The following MMEL1 variants were observed in gnomAD, a reference collection of about 807,000 sequenced individuals.
MMEL1 encodes membrane metallo-endopeptidase-like 1.
MMEL1 carries 98 observed loss-of-function variants against 117.1 expected under a neutral mutation model. The observed-to-expected ratio is 0.84, with a 90% CI of 0.71 to 0.99. The LOEUF is 0.99. Among genes scored for constraint, MMEL1 ranks in the 50% least tolerant of loss-of-function variants. The pLI, the probability that MMEL1 is intolerant of heterozygous loss-of-function variation, is 0.00. For synonymous variants in MMEL1, 390 were observed against 415.1 expected (o/e 0.94, Z 0.74); for missense variants, 1,014 against 1,049.1 (o/e 0.97, Z 0.46).
At chr1:2,608,185 TA>T (rs1466933977) in intron 6 of MMEL1, among the ~76,000 whole-genome samples, 1 of 152,036 alleles carries the variant, frequency 6.6e-6, no homozygotes, top group Non-Finnish European at 1.5e-5. Context: ...AGACGCCCCC[TA>T]AAGCCAGGGT....
At chr1:2,625,590 C>T (rs1638240688) in intron 2 of MMEL1, among the ~76,000 whole-genome samples, 2 of 152,232 alleles carry the variant, frequency 1.3e-5, no homozygotes. Context: ...CTATCTTCTG[C>T]AGTTAACTGC....
At chr1:2,597,156 A>T (rs1644856010) in intron 13 of MMEL1, among the ~76,000 whole-genome samples, 1 of 151,778 alleles carries the variant, frequency 6.6e-6, no homozygotes, top group Admixed American at 6.6e-5. Flanking sequence ...GGAGCACGAG[A>T]CTCTGGGCCC....
chr1:2,596,724 A>C (rs775525581), intron 13 of MMEL1, 35 bp from the exon 14 acceptor site: 3 of 1,607,336 alleles, frequency 1.9e-6, no homozygotes, highest in Non-Finnish European at 2.5e-6. Flanking sequence ...ACGGGCCCCC[A>C]CGTCAGCCTT....
At chr1:2,598,385 C>T (rs1644880342) in intron 12 of MMEL1, 85 bp from the exon 13 acceptor site, 4 of 1,385,122 alleles carry the variant, frequency 2.9e-6, no homozygotes, top group South Asian at 1.2e-5. Context: ...CCTTGGCCAG[C>T]ACGTTCCACC....
At chr1:2,604,052 C>T (rs1265756003) in intron 10 of MMEL1, 79 bp from the exon 11 acceptor site, 16 of 1,580,000 alleles carry the variant, frequency 1.0e-5, no homozygotes, top group East Asian at 4.5e-5. Flanking sequence ...TGCCTGCTAC[C>T]GGCCCACCCA....
intron 4 of MMEL1, among the ~76,000 whole-genome samples, chr1:2,610,241 G>T (rs1235636678): frequency 6.6e-6 from 1 of 152,014 alleles, no homozygotes; most frequent in Non-Finnish European, 1.5e-5. Flanking sequence ...ACAGGGTCTC[G>T]CTGTGTTGCC....
In MMEL1 at chr1:2,592,813, G is replaced by A. The variant is rs1283934206; in HGVS notation, c.2001+20C>T. On this transcript the variant is annotated intron_variant, in intron 20 of 23. Coordinates refer to ENST00000378412, the MANE Select transcript of MMEL1 (RefSeq NM_033467.4). ...GGGCTCCGGTACCCCCGCAGCCTGG[G>A]TGCTGGTGGCAGCGCTCACGTTCTG... 1 of 1,613,022 alleles carries A rather than the reference G, an allele frequency of 6.2e-7. No individual in the cohort carries two copies. The highest frequency in any genetic ancestry group is 2.2e-5 in the East Asian group (1 of 44,804).
Position 2,606,964 on chromosome 1 carries a change from C to T in MMEL1, c.631+10G>A. 1 of 1,610,698 alleles carries T rather than the reference C, an allele frequency of 6.2e-7. No homozygotes were observed. Among genetic ancestry groups the T allele is most frequent in the Non-Finnish European group, 8.5e-7 (1 of 1,179,168 alleles). On this transcript the variant is annotated intron_variant, in intron 7 of 23. Transcript: ENST00000378412. Reference sequence around the variant, plus strand: ...TCTGTCTGTGAGGCTGCTGCCAGGCCCGGCCTTACCTACGGTCTCGTTCCA... The same window carrying T: ...TCTGTCTGTGAGGCTGCTGCCAGGCTCGGCCTTACCTACGGTCTCGTTCCA...
chr1:2,608,528 CACATACACACATACACAT>C (rs1645067228), intron 6 of MMEL1, among the ~76,000 whole-genome samples: 1 of 124,742 alleles, frequency 8.0e-6, no homozygotes, highest in African/African-American at 3.4e-5. Flanking sequence ...TACACACATA[CACATACACACATACACAT>C]ACACACATAT....
chr1:2,605,510 AG>A (rs751806971), intron 9 of MMEL1, 47 bp downstream of exon 9: 3 of 1,530,882 alleles, frequency 2.0e-6, no homozygotes, highest in Admixed American at 3.4e-5. Flanking sequence ...ACCACGGGGT[AG>A]GGGGTGATGG....
At chr1:2,622,044 T>C (rs1259344757) in intron 2 of MMEL1, among the ~76,000 whole-genome samples, 1 of 152,196 alleles carries the variant, frequency 6.6e-6, no homozygotes, top group African/African-American at 2.4e-5. Flanking sequence ...ACTCTTGTCA[T>C]TGACAAGAGG....
chr1:2,605,720 C>T (rs530096442), intron 8 of MMEL1, 97 bp from the exon 9 acceptor site: 60 of 852,536 alleles, frequency 7.0e-5, no homozygotes, highest in Non-Finnish European at 1.1e-4. Flanking sequence ...GACTGTGCCC[C>T]GTGCACACGT....
chr1:2,598,664 AGG>A lies in MMEL1; in HGVS notation c.1166_1167del (p.Thr389IlefsTer21). 6.2e-7 allele frequency: 1 copy of A among 1,614,116 alleles called. No individual in the cohort carries two copies. The highest frequency in any genetic ancestry group is 8.5e-7 in the Non-Finnish European group (1 of 1,180,006). On this transcript the variant is annotated frameshift_variant, in exon 12 of 24. Coordinates refer to ENST00000378412, the MANE Select transcript of MMEL1 (RefSeq NM_033467.4). LOFTEE classifies it high-confidence loss of function. The part of the protein sequence containing the change: ...YLQNLENIID[T>X]YSARTIQNYL... The stretch of plus-strand genomic sequence containing the variant: ...CTCCCTGGGCCTCACCTGGCTGAGT[AGG>A]TGTCGATGATGTTTTCAAGGTTCTG...
chr1:2,607,101 C>G (rs2100943949), intron 6 of MMEL1, 32 bp from the exon 7 acceptor site: 1 of 1,587,390 alleles, frequency 6.3e-7, no homozygotes, highest in Non-Finnish European at 8.6e-7. Flanking sequence ...ACTCTCCCAG[C>G]CTCCCTGTGG....
At chr1:2,629,307 C>T (rs1638426048) in intron 2 of MMEL1, 24 bp downstream of exon 2, 1 of 1,513,088 alleles carries the variant, frequency 6.6e-7, no homozygotes, top group Non-Finnish European at 8.8e-7. Flanking sequence ...CGGGGACAGG[C>T]GGGGGCGGGG....
chr1:2,598,256 A>G lies in MMEL1; in HGVS notation c.1223T>C (p.Ile408Thr), dbSNP rs550753943. ...YLVWRLVLDR[I>T]GSLSQRFKDT... ...CTTGAATCTCTGGCTTAGGCTACCA[A>G]TGCGGTCCAGCACCAGGCGCCAGAC... The change falls in exon 13 of 24, where the codon ATT becomes ACT. Residue 408 changes from isoleucine to threonine, a missense_variant. Coordinates refer to ENST00000378412, the MANE Select transcript of MMEL1 (RefSeq NM_033467.4). 29 of 1,614,108 alleles carry G rather than the reference A, an allele frequency of 1.8e-5. No individual in the cohort carries two copies. The highest frequency in any genetic ancestry group is 2.3e-5 in the Non-Finnish European group (27 of 1,180,018).
Position 2,596,079 on chromosome 1 carries a change from G to C in MMEL1, c.1430C>G (p.Thr477Arg), listed in dbSNP as rs769339551. 9.9e-6 allele frequency: 16 copies of C among 1,613,852 alleles called. No homozygotes were observed. Among genetic ancestry groups the C allele is most frequent in the Non-Finnish European group, 1.4e-5 (16 of 1,179,938 alleles). The change falls in exon 15 of 24, where the codon ACA becomes AGA. Residue 477 changes from threonine to arginine, a missense_variant. Coordinates refer to ENST00000378412, the MANE Select transcript of MMEL1 (RefSeq NM_033467.4). ...MVRELIDKVR[T>R]VFVETLDELG... ...CTCGTCCAGCGTCTCCACAAACACTGTCCGCACCTTGTCAATGAGTTCTCT... is the reference window on the plus strand; with the variant it reads ...CTCGTCCAGCGTCTCCACAAACACTCTCCGCACCTTGTCAATGAGTTCTCT...
chr1:2,605,258 G>T (rs1452732151), intron 9 of MMEL1, among the ~76,000 whole-genome samples: 1 of 152,188 alleles, frequency 6.6e-6, no homozygotes, highest in African/African-American at 2.4e-5. Context: ...CTGGGAATCC[G>T]GTGCTGCAGA....
In MMEL1 at chr1:2,595,501, TG is replaced by T; in HGVS notation, c.1501-143del. 1 of 693,872 alleles carries T rather than the reference TG, an allele frequency of 1.4e-6. No individual in the cohort carries two copies. The highest frequency in any genetic ancestry group is 2.6e-5 in the East Asian group (1 of 38,788). 43.0% of individuals were successfully genotyped at this position (693,872 alleles called of 1,614,324 possible). ...CTCTCCCTGTCCTGTGGTGAGGGGC[TG>T]GGGGGCTCCGGGATCTGGCCCCCAC... On this transcript the variant is annotated intron_variant, in intron 15 of 23. Coordinates refer to ENST00000378412, the MANE Select transcript of MMEL1 (RefSeq NM_033467.4). The surrounding 1 kb of genome is among the most constrained non-coding windows in gnomAD (Gnocchi z 4.8).
Sources: allele counts gnomAD v4.1 joint callset (sites outside exome capture counted in the v4.1 genomes callset), GRCh38; gene constraint gnomAD v4.1.1; non-coding constraint Gnocchi (gnomAD v3.1); transcripts MANE v1.5; gene names NCBI Gene and HGNC (gene_info 2026-07-23, HGNC 2026-07-21).